Variants in EIF2AK3 observed in about 807,000 individuals in gnomAD.
EIF2AK3 encodes the protein eukaryotic translation initiation factor 2-alpha kinase 3.
A neutral mutation model predicts 113.5 loss-of-function variants in EIF2AK3; 50 were observed. That is an observed-to-expected ratio of 0.44 (90% CI 0.35 to 0.56). EIF2AK3 has a LOEUF of 0.56. Ranked by LOEUF, EIF2AK3 falls within the 20% of genes least tolerant of loss-of-function variation. The pLI is 0.00. For synonymous variants in EIF2AK3, 448 were observed against 495.4 expected (o/e 0.90, Z 1.27); for missense variants, 1,185 against 1,378.0 (o/e 0.86, Z 2.22).
Position 88,588,063 on chromosome 2 carries a change from A to G in EIF2AK3, c.1348T>C (p.Phe450Leu). The change falls in exon 8 of 17, where the codon TTT becomes CTT. Residue 450 changes from phenylalanine to leucine, a missense_variant. By Grantham distance (22) the Phe-to-Leu change is conservative (BLOSUM62 0). Coordinates refer to ENST00000303236, the MANE Select transcript of EIF2AK3 (RefSeq NM_004836.7). The stretch of plus-strand genomic sequence containing the variant: ...TTATCATTACTGAGACATTTGTCAA[A>G]TTCATCAGATCCTACCAAGACAGGA... The part of the protein sequence containing the change: ...RTPVLVGSDE[F>L]DKCLSNDKFS... The G allele has an allele frequency of 1.3e-6, 2 of 1,552,008 alleles. No individual in the cohort carries two copies. The highest frequency in any genetic ancestry group is 1.8e-6 in the Non-Finnish European group (2 of 1,130,148).
chr2:88,571,661 C>A (rs1674312943), intron 13 of EIF2AK3, among the ~76,000 whole-genome samples: 1 of 152,162 alleles, frequency 6.6e-6, no homozygotes, highest in Non-Finnish European at 1.5e-5. Context: ...AGATTTCAGT[C>A]CAGTTCTTGC....
intron 1 of EIF2AK3, among the ~76,000 whole-genome samples, chr2:88,621,168 C>T (rs911168253): frequency 4.6e-5 from 7 of 152,224 alleles, no homozygotes; most frequent in African/African-American, 1.7e-4. Context: ...AGATGTCGTT[C>T]ATCCTGTAAT....
intron 14 of EIF2AK3, among the ~76,000 whole-genome samples, chr2:88,567,096 T>A (rs903906208): frequency 3.3e-5 from 5 of 152,252 alleles, no homozygotes; most frequent in African/African-American, 9.6e-5. Flanking sequence ...GATATTTCTT[T>A]GTGGCCTAGA....
intron 1 of EIF2AK3, among the ~76,000 whole-genome samples, chr2:88,620,270 T>TCTCCTTCCCAGCTCCACACTCCCCC (rs1675689688): frequency 6.6e-6 from 1 of 151,984 alleles, no homozygotes; most frequent in Non-Finnish European, 1.5e-5. Context: ...CTCTCTCCCC[T>TCTCCTTCCCAGCTCCACACTCCCCC]CTCCTTCCCA....
At chr2:88,624,546 C>G (rs1485177580) in intron 1 of EIF2AK3, among the ~76,000 whole-genome samples, 2 of 152,200 alleles carry the variant, frequency 1.3e-5, no homozygotes, top group African/African-American at 2.4e-5. Context: ...ATTTCTGTCT[C>G]CTTTGCTGGC....
intron 14 of EIF2AK3, among the ~76,000 whole-genome samples, chr2:88,570,407 G>C (rs2104402408): frequency 6.6e-6 from 1 of 152,276 alleles, no homozygotes; most frequent in East Asian, 1.9e-4. Flanking sequence ...TCCTGTGAAG[G>C]CCAAGCAGCC....
In EIF2AK3 at chr2:88,590,494, C is replaced by T. The variant is rs1674855873; in HGVS notation, c.1114G>A (p.Glu372Lys). 1 of 1,613,896 alleles carries T rather than the reference C, an allele frequency of 6.2e-7. No individual in the cohort carries two copies. Among genetic ancestry groups the T allele is most frequent in the East Asian group, 2.2e-5 (1 of 44,854 alleles). The change falls in exon 6 of 17, where the codon GAA (glutamate) becomes AAA (lysine). Residue 372 changes from glutamate (E) to lysine (K), a missense_variant. Physicochemically the swap from Glu to Lys is moderately conservative, Grantham distance 56. Transcript: ENST00000303236. ...CCTCTGGCAGCTTCTACAATGTCTT[C>T]TTCATCTTCTAAAACATCATCATTA... ...TSNDDVLEDE[E>K]DIVEAARGAT...
chr2:88,559,290 T>C (rs549949946), intron 15 of EIF2AK3, among the ~76,000 whole-genome samples: 15 of 152,322 alleles, frequency 9.8e-5, no homozygotes, highest in Non-Finnish European at 2.1e-4. Context: ...CAGATACAGA[T>C]TTTTTTCTTG....
chr2:88,613,660 T>C (rs1675504661), intron 2 of EIF2AK3, 64 bp downstream of exon 2: 1 of 1,595,480 alleles, frequency 6.3e-7, no homozygotes, highest in Non-Finnish European at 8.6e-7. Flanking sequence ...CCCAAACTTC[T>C]TAATATCAGC....
Position 88,574,886 on chromosome 2 carries a change from T to G in EIF2AK3, c.2597A>C (p.Asp866Ala). ...TTTTTCTGTGGTGTTTTTAGTGAGA[T>G]CTAAACTTAAAGTGGTTGGTCTTGG... The part of the protein sequence containing the change: ...SPPRPTTLSL[D>A]LTKNTTEKLQ... The change falls in exon 13 of 17, where the codon GAT becomes GCT. Residue 866 changes from aspartate (D) to alanine (A), a missense_variant. By Grantham distance (126) the Asp-to-Ala change is moderately radical. Transcript: ENST00000303236. 6.2e-7 allele frequency: 1 copy of G among 1,614,216 alleles called. No individual in the cohort carries two copies. Among genetic ancestry groups the G allele is most frequent in the South Asian group, 1.1e-5 (1 of 91,090 alleles).
Position 88,585,882 on chromosome 2 carries a change from T to C in EIF2AK3, c.1609A>G (p.Thr537Ala). 1 of 1,614,102 alleles carries C rather than the reference T, an allele frequency of 6.2e-7. No homozygotes were observed. Among genetic ancestry groups the C allele is most frequent in the Non-Finnish European group, 8.5e-7 (1 of 1,179,982 alleles). Reference sequence around the variant, plus strand: ...TGGAAAAGCCTGCGCACAATAAACGTTGTTGCTATGATACAAAACAAAATC... The same window carrying C: ...TGGAAAAGCCTGCGCACAATAAACGCTGTTGCTATGATACAAAACAAAATC... Reference protein sequence around the residue: ...ATILFCIIATTFIVRRLFHPH... With the variant: ...ATILFCIIATAFIVRRLFHPH... Residue 537 changes from threonine to alanine, a missense_variant, in exon 9 of 17, where the codon ACG becomes GCG. Around this residue, in one of 3 missense-constraint regions of EIF2AK3, gnomAD observed 877 missense variants for 1,024.2 expected, o/e 0.86. Coordinates refer to ENST00000303236, the MANE Select transcript of EIF2AK3 (RefSeq NM_004836.7).
At chr2:88,570,833 A>G in intron 14 of EIF2AK3, 41 bp downstream of exon 14, 1 of 1,610,028 alleles carries the variant, frequency 6.2e-7, no homozygotes, top group Non-Finnish European at 8.5e-7. Flanking sequence ...CATCAGGTAC[A>G]TCTGCTGCTG....
intron 1 of EIF2AK3, among the ~76,000 whole-genome samples, chr2:88,614,801 C>A (rs1675532593): frequency 6.6e-6 from 1 of 152,230 alleles, no homozygotes; most frequent in Admixed American, 6.5e-5. Context: ...TCTCACATGT[C>A]ACACTCTGGA....
At chr2:88,615,292 C>T (rs1445726133) in intron 1 of EIF2AK3, among the ~76,000 whole-genome samples, 1 of 152,248 alleles carries the variant, frequency 6.6e-6, no homozygotes, top group African/African-American at 2.4e-5. Flanking sequence ...TCTCCTGTCA[C>T]TCCCACACCA....
rs377071401 is a variant in EIF2AK3, at chr2:88,586,016, C to T, written c.1475G>A (p.Arg492Gln). The T allele has an allele frequency of 5.6e-6, 9 of 1,614,008 alleles. No individual in the cohort carries two copies. The highest frequency in any genetic ancestry group is 1.1e-5 in the South Asian group (1 of 91,070). ...GAATCTGACTGTAATCTGTGTGCTT[C>T]GTTTGTTCCTCTCCCTCTTGTAGTA... Reference protein sequence around the residue: ...LPYYKRERNKRSTQITVRFLD... With the variant: ...LPYYKRERNKQSTQITVRFLD... The change falls in exon 9 of 17, where the codon CGA becomes CAA. Residue 492 changes from arginine to glutamine, a missense_variant. Physicochemically the swap from Arg to Gln is conservative, Grantham distance 43. Transcript: ENST00000303236.
chr2:88,560,000 A>G (rs899820228), intron 15 of EIF2AK3, among the ~76,000 whole-genome samples: 1 of 152,170 alleles, frequency 6.6e-6, no homozygotes, highest in African/African-American at 2.4e-5. Context: ...TGGTAATTCT[A>G]TGTTTAACTG....
intron 2 of EIF2AK3, among the ~76,000 whole-genome samples, chr2:88,596,654 T>C (rs1465790177): frequency 6.6e-6 from 1 of 151,998 alleles, no homozygotes; most frequent in Non-Finnish European, 1.5e-5. Context: ...AGCATACCCA[T>C]CATGTTTGAA....
At chr2:88,609,017 A>G (rs900220209) in intron 2 of EIF2AK3, among the ~76,000 whole-genome samples, 4 of 151,174 alleles carry the variant, frequency 2.6e-5, no homozygotes, top group Non-Finnish European at 5.9e-5. Context: ...TACAGGTGTG[A>G]GCCACCGCGC....
chr2:88,604,146 A>G (rs2104455911), intron 2 of EIF2AK3, among the ~76,000 whole-genome samples: 1 of 152,284 alleles, frequency 6.6e-6, no homozygotes, highest in Middle Eastern at 3.4e-3. Flanking sequence ...TTCTACAGTC[A>G]GAGTGATCTC....
Sources: gnomAD v4.1 joint callset for allele counts (sites outside exome capture counted in the v4.1 genomes callset) on GRCh38, gnomAD v4.1.1 for gene constraint, gnomAD v4.1.1 regional missense constraint, MANE v1.5 for transcripts, NCBI Gene and HGNC (gene_info 2026-07-23, HGNC 2026-07-21) for gene names.